The following NBPF11 variants were observed in gnomAD, a reference collection of about 807,000 sequenced individuals.
NBPF11 encodes NBPF family member NBPF11.
A neutral mutation model predicts 93.9 loss-of-function variants in NBPF11; 72 were observed. The ratio of observed to expected loss-of-function variants is 0.77; its 90% confidence interval spans 0.63 to 0.93. The LOEUF is 0.93. NBPF11 is among the 40% of genes least tolerant of loss of function. The probability of loss-of-function intolerance (pLI) is 0.00; values close to 1 mark genes in which losing one functional copy is unlikely to be tolerated. For synonymous variants in NBPF11, 224 were observed against 304.9 expected, an observed-to-expected ratio of 0.73 and a Z score of 2.76; for missense variants, 705 against 802.2, an observed-to-expected ratio of 0.88 and a Z score of 1.46.
rs1667154939 is a variant in NBPF11 at position 148,118,721 on chromosome 1, T to C, written c.990A>G (p.Lys330=). The change falls in exon 11 of 24, where the codon AAA becomes AAG. Residue 330 remains lysine (K), a splice_region_variant and synonymous_variant. Transcript: ENST00000682118. ...TTATGAGGTCTTTGCACTCTTCATA[T>C]TCTGAGAAAAGACAGACACGCCTGC... ...CFLAKQQNKY[K]YEECKDLIKS... The C allele has an allele frequency of 4.3e-6, 7 of 1,611,968 alleles. No homozygotes were observed. Among genetic ancestry groups the C allele is most frequent in the East Asian group, 2.2e-5 (1 of 44,834 alleles).
At chr1:148,120,409 A>G (rs1667553245) in intron 10 of NBPF11, 92 bp downstream of exon 10, 2 of 772,534 alleles carry the variant, frequency 2.6e-6, no homozygotes, top group South Asian at 1.4e-5. Flanking sequence ...GGGGAGGATG[A>G]CATTATTTTT....
At chr1:148,147,847 C>T (rs1487006050) in intron 1 of NBPF11, among the ~76,000 whole-genome samples, 1 of 152,026 alleles carries the variant, frequency 6.6e-6, no homozygotes, top group Admixed American at 6.5e-5. Flanking sequence ...CCTGTCTCTA[C>T]TGCCTGGGCC....
intron 1 of NBPF11, among the ~76,000 whole-genome samples, chr1:148,146,107 GC>G (rs1205322744): frequency 6.6e-6 from 1 of 151,846 alleles, no homozygotes; most frequent in Non-Finnish European, 1.5e-5. Flanking sequence ...CGGGCGGGCG[GC>G]CGGGAGCCAT....
chr1:148,124,978 T>G lies in NBPF11; in HGVS notation c.199A>C (p.Ile67Leu). ...CGCTCATTCCTCAGCATAAATTTTA[T>G]GAGGTCTTTACACTCTTCATACTCT... is the stretch of plus-strand genomic sequence containing the variant. ...KYKYEECKDL[I>L]KFMLRNERQF... Residue 67 changes from isoleucine to leucine, a missense_variant, in exon 6 of 24, where the codon ATA becomes CTA. Ile to Leu is a conservative substitution (Grantham distance 5, BLOSUM62 2). This residue lies in a region of NBPF11 where 128 missense variants were observed against 112.8 expected (regional missense o/e 1.14). Coordinates refer to ENST00000682118, the MANE Select transcript of NBPF11 (RefSeq NM_001385469.3). The G allele has an allele frequency of 1.2e-6, 2 of 1,604,482 alleles. No individual in the cohort carries two copies. Among genetic ancestry groups the G allele is most frequent in the Non-Finnish European group, 1.7e-6 (2 of 1,175,270 alleles).
At chr1:148,133,658 C>T (rs1332528475) in intron 4 of NBPF11, among the ~76,000 whole-genome samples, 1 of 151,756 alleles carries the variant, frequency 6.6e-6, no homozygotes, top group South Asian at 2.1e-4. Flanking sequence ...AAAAAAGAGG[C>T]CGGGCATGGT....
Position 148,150,758 on chromosome 1 carries a change from C to T in NBPF11, c.-549+992G>A, listed in dbSNP as rs1248643468. Reference sequence around the variant, plus strand: ...TTTTTTTTTTTTAGAGGGAGTCTCGCTCTGTCACCCAGGCTGGAGTGCAGT... The same window carrying T: ...TTTTTTTTTTTTAGAGGGAGTCTCGTTCTGTCACCCAGGCTGGAGTGCAGT... On this transcript the variant is annotated intron_variant, in intron 1 of 23. Transcript: ENST00000682118. Among the ~76,000 whole-genome samples the T allele has an allele frequency of 2.8e-3, 412 of 149,248 alleles. 9 individuals are homozygous for T. In the East Asian group the frequency reaches 0.04, roughly 15 times the overall value.
At chr1:148,124,764 G>T (rs1209378605) in intron 6 of NBPF11, 135 bp downstream of exon 6, 14 of 758,348 alleles carry the variant, frequency 1.8e-5, no homozygotes, top group South Asian at 8.7e-5. Flanking sequence ...ATAAATATTT[G>T]TGTGTCATGA....
At chr1:148,137,966 C>G (rs28438885) in intron 2 of NBPF11, among the ~76,000 whole-genome samples, 157 bp from the exon 3 acceptor site, 1 of 148,858 alleles carries the variant, frequency 6.7e-6, no homozygotes, top group Non-Finnish European at 1.5e-5. Context: ...GTTCAGCATA[C>G]GGAGGACCCA....
In NBPF11 at chr1:148,103,627, C is replaced by T. The variant is rs1285931510; in HGVS notation, c.*269G>A. ...TTCAAATCTTCAGGTGCCTATAGGT[C>T]CTGCCTGCAGGAATGACACCTCTCG... On this transcript the variant is annotated 3_prime_UTR_variant, in exon 24 of 24. Coordinates refer to ENST00000682118, the MANE Select transcript of NBPF11 (RefSeq NM_001385469.3). The T allele has an allele frequency of 3.3e-5, 53 of 1,610,662 alleles. 1 individual carries two copies. Among genetic ancestry groups the T allele is most frequent in the East Asian group, 2.7e-4 (12 of 44,880 alleles).
intron 15 of NBPF11, among the ~76,000 whole-genome samples, chr1:148,112,967 A>T (rs1665654662): frequency 6.6e-6 from 1 of 151,888 alleles, no homozygotes; most frequent in Non-Finnish European, 1.5e-5. Context: ...CTCCTAAAGG[A>T]AGCACTAAAC....
At chr1:148,143,112 G>C (rs1198058492) in intron 2 of NBPF11, among the ~76,000 whole-genome samples, 1 of 143,016 alleles carries the variant, frequency 7.0e-6, no homozygotes, top group Non-Finnish European at 1.5e-5. Flanking sequence ...GCAGAGAATG[G>C]GGGGTGAGAG....
chr1:148,110,327 C>G, intron 16 of NBPF11, 51 bp downstream of exon 16: 1 of 1,564,334 alleles, frequency 6.4e-7, no homozygotes, highest in Non-Finnish European at 8.8e-7. Flanking sequence ...ATTATGGGGT[C>G]TACCTGGGCC....
intron 6 of NBPF11, among the ~76,000 whole-genome samples, chr1:148,124,409 C>G (rs1311206286): frequency 6.7e-6 from 1 of 149,152 alleles, no homozygotes; most frequent in Non-Finnish European, 1.5e-5. Context: ...CATAGTGCAT[C>G]TTGCGGCCAC....
Position 148,117,055 on chromosome 1 carries a change from C to T in NBPF11, c.1306+517G>A, listed in dbSNP as rs1439915006. Among the ~76,000 whole-genome samples the T allele has an allele frequency of 4.7e-4, 72 of 152,184 alleles. 1 individual carries two copies. Among genetic ancestry groups the T allele is most frequent in the African/African-American group, 1.6e-3 (67 of 41,434 alleles). ...CCACAAAATGCCCCCACATCAAGTG[C>T]CTTCTCCAACACCACACGGAGAGGG... is the stretch of plus-strand genomic sequence containing the variant. On this transcript the variant is annotated intron_variant, in intron 12 of 23. Transcript: ENST00000682118.
chr1:148,142,167 A>G (rs1257314985), intron 2 of NBPF11, among the ~76,000 whole-genome samples: 1 of 151,698 alleles, frequency 6.6e-6, no homozygotes, highest in African/African-American at 2.4e-5. Context: ...GGAGAGAAGT[A>G]GGGAAGAAAG....
chr1:148,150,153 C>CA (rs1647923314), intron 1 of NBPF11, among the ~76,000 whole-genome samples: 1 of 135,026 alleles, frequency 7.4e-6, no homozygotes, highest in Non-Finnish European at 1.6e-5. Flanking sequence ...ATGACCTGTA[C>CA]TTTTTTTTTT....
rs1668038678 is a variant in NBPF11 at position 148,122,230 on chromosome 1, C to A, written c.603G>T (p.Glu201Asp). 2 of 1,611,940 alleles carry A rather than the reference C, an allele frequency of 1.2e-6. No individual in the cohort carries two copies. Among genetic ancestry groups the A allele is most frequent in the Admixed American group, 1.7e-5 (1 of 60,004 alleles). ...TGATGGCACATTCCTCCAGTGAGTC[C>A]TCAGGGACTTTGCTCTCTTCAGCCT... ...VQKAEESKVPEDSLEECAITC... is the reference protein window; with the variant it reads ...VQKAEESKVPDDSLEECAITC... Residue 201 changes from glutamate (E) to aspartate (D), a missense_variant, in exon 9 of 24, where the codon GAG becomes GAT. Around this residue, in one of 12 missense-constraint regions of NBPF11, gnomAD observed 262 missense variants for 223.1 expected, o/e 1.17. Coordinates refer to ENST00000682118, the MANE Select transcript of NBPF11 (RefSeq NM_001385469.3).
intron 9 of NBPF11, among the ~76,000 whole-genome samples, chr1:148,121,240 C>T (rs1553271462): frequency 3.3e-5 from 5 of 151,752 alleles, no homozygotes; most frequent in South Asian, 2.1e-4. Flanking sequence ...GATGGGGTTT[C>T]GCCATCTTGG....
At chr1:148,120,188 G>C (rs74505683) in intron 10 of NBPF11, among the ~76,000 whole-genome samples, 10 of 151,234 alleles carry the variant, frequency 6.6e-5, no homozygotes, top group Non-Finnish European at 1.3e-4. Context: ...AGGATCTTAT[G>C]TGGTACAGAG....
Sources: allele counts gnomAD v4.1 joint callset (sites outside exome capture counted in the v4.1 genomes callset), GRCh38; gene constraint gnomAD v4.1.1; regional missense constraint gnomAD v4.1.1; transcripts MANE v1.5; gene names NCBI Gene and HGNC (gene_info 2026-07-23, HGNC 2026-07-21).